The following LIMCH1 variants were observed in gnomAD, a reference collection of about 807,000 sequenced individuals.
The protein encoded by LIMCH1 is LIM and calponin homology domains 1, also known as LIM and calponin homology domains-containing protein 1.
Under a neutral mutation model 176.5 loss-of-function variants are expected in LIMCH1, and 113 were observed. That is an observed-to-expected ratio of 0.64 (90% CI 0.55 to 0.75). The LOEUF is 0.75. LIMCH1 is among the 30% of genes least tolerant of loss of function. The pLI is 0.00. For missense variants in LIMCH1, 1,674 were observed against 1,814.9 expected (o/e 0.92, Z 1.41); for synonymous variants, 619 against 645.9 (o/e 0.96, Z 0.63).
At chr4:41,367,998 G>T (rs2053367398) in intron 1 of LIMCH1, among the ~76,000 whole-genome samples, 1 of 151,996 alleles carries the variant, frequency 6.6e-6, no homozygotes, top group Non-Finnish European at 1.5e-5. Context: ...CACCAAATGG[G>T]TCTGCACCAA....
chr4:41,692,785 CCA>C (rs879483919), intron 31 of LIMCH1: 5,794 of 171,596 alleles, frequency 0.034, 387 homozygotes, highest in African/African-American at 0.13. Context: ...AGATCGAGCA[CCA>C]ACTCATCAAT....
At chr4:41,588,283 G>A (rs937692854) in intron 1 of LIMCH1, among the ~76,000 whole-genome samples, 2 of 152,126 alleles carry the variant, frequency 1.3e-5, no homozygotes, top group South Asian at 4.2e-4. Context: ...GTGAAGTGAG[G>A]GGATTTAAAT....
At chr4:41,520,767 C>T (rs2076040265) in intron 2 of LIMCH1, among the ~76,000 whole-genome samples, 1 of 152,136 alleles carries the variant, frequency 6.6e-6, no homozygotes, top group Non-Finnish European at 1.5e-5. Flanking sequence ...ATATTTAGCA[C>T]AGAAGACATG....
chr4:41,380,055 T>G (rs186359041), intron 1 of LIMCH1, among the ~76,000 whole-genome samples: 1 of 152,300 alleles, frequency 6.6e-6, no homozygotes, highest in African/African-American at 2.4e-5. Context: ...TCCACCCGTT[T>G]TGGCCTCCCA....
intron 28 of LIMCH1, 31 bp downstream of exon 28, chr4:41,685,861 T>TG: frequency 6.3e-7 from 1 of 1,598,358 alleles, no homozygotes; most frequent in Non-Finnish European, 8.5e-7. Flanking sequence ...GTTGTGGGAT[T>TG]CCCTTTTTTA....
At chr4:41,592,700 C>T (rs550032659) in intron 1 of LIMCH1, among the ~76,000 whole-genome samples, 188 of 152,204 alleles carry the variant, frequency 1.2e-3, no homozygotes, top group African/African-American at 4.1e-3. Flanking sequence ...CCCCACAGGT[C>T]GATAGCATCC....
chr4:41,407,168 G>C (rs1231864781), intron 1 of LIMCH1, among the ~76,000 whole-genome samples: 1 of 151,626 alleles, frequency 6.6e-6, no homozygotes, highest in East Asian at 1.9e-4. Context: ...TTGTTCTTGG[G>C]ATATAGGTAA....
chr4:41,512,868 A>C (rs945955937), intron 2 of LIMCH1, among the ~76,000 whole-genome samples: 3 of 152,186 alleles, frequency 2.0e-5, no homozygotes, highest in Non-Finnish European at 4.4e-5. Flanking sequence ...AAAATATTGA[A>C]TTCTACATTT....
chr4:41,561,283 C>A (rs866009500), intron 1 of LIMCH1, among the ~76,000 whole-genome samples: 6 of 152,318 alleles, frequency 3.9e-5, no homozygotes, highest in Non-Finnish European at 8.8e-5. Flanking sequence ...TTTAGTCTTG[C>A]TTCCTTGGCT....
intron 2 of LIMCH1, among the ~76,000 whole-genome samples, chr4:41,522,753 A>C (rs1428914975): frequency 6.6e-6 from 1 of 152,184 alleles, no homozygotes; most frequent in Non-Finnish European, 1.5e-5. Flanking sequence ...TGGGGAAGTC[A>C]CTCAGACTTC....
chr4:41,583,876 T>TC (rs1287361080), intron 1 of LIMCH1, among the ~76,000 whole-genome samples: 2 of 152,162 alleles, frequency 1.3e-5, no homozygotes, highest in Non-Finnish European at 2.9e-5. Flanking sequence ...AGAGGACTTT[T>TC]CCCCAGCTGA....
chr4:41,676,511 G>T (rs2095224347), intron 23 of LIMCH1, 49 bp downstream of exon 23: 1 of 1,296,628 alleles, frequency 7.7e-7, no homozygotes, highest in Admixed American at 1.7e-5. Context: ...TTGTCCTCTT[G>T]CTTTCCATTG....
rs1586017700 is a variant in LIMCH1 at position 41,689,455 on chromosome 4, G to T, written c.4167-72G>T. On this transcript the variant is annotated intron_variant, in intron 29 of 31. Coordinates refer to ENST00000503057, the MANE Select transcript of LIMCH1 (RefSeq NM_001330672.2). ...ATCCATATTTTCATTTTTGCATGAG[G>T]TTACATGTCTGTGTGTTTGACCAGG... The T allele has an allele frequency of 1.3e-5, 10 of 799,682 alleles. No homozygotes were observed. In the East Asian group the frequency reaches 2.2e-4, roughly 18 times the overall value. 49.5% of individuals were successfully genotyped at this position (799,682 alleles called of 1,614,324 possible). A position where few individuals can be genotyped will look rare whatever the true frequency, so the allele number is the denominator to read the frequency against.
At chr4:41,469,175 T>G (rs973835119) in intron 1 of LIMCH1, among the ~76,000 whole-genome samples, 3 of 152,250 alleles carry the variant, frequency 2.0e-5, no homozygotes, top group Admixed American at 1.3e-4. Flanking sequence ...CGGACACTGA[T>G]GTTTTTAAAG....
At chr4:41,363,389 T>G (rs942167991) in intron 1 of LIMCH1, among the ~76,000 whole-genome samples, 4 of 152,222 alleles carry the variant, frequency 2.6e-5, no homozygotes, top group African/African-American at 9.6e-5. Context: ...TTACTTTTAT[T>G]CAGTTGGTGA....
intron 1 of LIMCH1, among the ~76,000 whole-genome samples, chr4:41,427,809 C>T (rs1433789496): frequency 6.6e-6 from 1 of 152,096 alleles, no homozygotes; most frequent in African/African-American, 2.4e-5. Context: ...ACATGAGTTC[C>T]CTAGTTAAAT....
chr4:41,488,823 G>GT (rs1449115075), intron 1 of LIMCH1, among the ~76,000 whole-genome samples: 16 of 152,080 alleles, frequency 1.1e-4, no homozygotes, highest in African/African-American at 3.6e-4. Context: ...TCGATATCAG[G>GT]GTAATACTAA....
At chr4:41,648,658 GGTGTGT>G (rs71650941) in intron 17 of LIMCH1, among the ~76,000 whole-genome samples, 2,588 of 135,388 alleles carry the variant, frequency 0.019, 27 homozygotes, top group Non-Finnish European at 0.026. Context: ...AAGGGGTAGG[GGTGTGT>G]GTGTGTGTGT....
intron 2 of LIMCH1, among the ~76,000 whole-genome samples, chr4:41,498,995 A>G (rs1016871703): frequency 6.6e-6 from 1 of 152,150 alleles, no homozygotes; most frequent in Non-Finnish European, 1.5e-5. Context: ...AGTGTTTACT[A>G]TCTGGTCCTT....
Sources: gnomAD v4.1 joint callset for allele counts (sites outside exome capture counted in the v4.1 genomes callset) on GRCh38, gnomAD v4.1.1 for gene constraint, MANE v1.5 for transcripts, NCBI Gene and HGNC (gene_info 2026-07-23, HGNC 2026-07-21) for gene names.